BBS9: variants seen among roughly 807,000 people sequenced by gnomAD.
The protein encoded by BBS9 is protein PTHB1.
In BBS9, 89 loss-of-function variants were observed where a neutral mutation model predicts 117.7. The ratio of observed to expected loss-of-function variants is 0.76; its 90% CI spans 0.64 to 0.90. The LOEUF is 0.90. Ranked by LOEUF, BBS9 falls within the 40% of genes least tolerant of loss-of-function variation. BBS9 has a pLI of 0.00. For synonymous variants in BBS9, 379 were observed against 370.9 expected (o/e 1.02, Z -0.25); for missense variants, 982 against 1,042.2 (o/e 0.94, Z 0.80).
intron 5 of BBS9, among the ~76,000 whole-genome samples, chr7:33,231,248 C>T (rs1202821532): frequency 6.6e-6 from 1 of 152,032 alleles, no homozygotes; most frequent in Non-Finnish European, 1.5e-5. Context: ...ATGTGATCCT[C>T]CTTCCTCAGC....
chr7:33,351,960 C>G (rs1423269388), intron 14 of BBS9: 2 of 154,978 alleles, frequency 1.3e-5, no homozygotes, highest in East Asian at 3.8e-4. Flanking sequence ...AAAGGGCAGG[C>G]ACACAGGGAC....
chr7:33,596,711 T>A (rs2129188926), intron 21 of BBS9, among the ~76,000 whole-genome samples: 1 of 152,334 alleles, frequency 6.6e-6, no homozygotes, highest in East Asian at 1.9e-4. Flanking sequence ...TTTTGTCATT[T>A]ACACCTTTTG....
chr7:33,290,476 T>G (rs2024430), intron 9 of BBS9, among the ~76,000 whole-genome samples: 126,018 of 152,184 alleles, frequency 0.83, 52,229 homozygotes, highest in Admixed American at 0.86. Context: ...AGTAGGAAAT[T>G]CTTTGTTCTT....
chr7:33,219,224 C>T (rs527694636), intron 5 of BBS9, among the ~76,000 whole-genome samples: 122 of 152,324 alleles, frequency 8.0e-4, no homozygotes, highest in African/African-American at 2.6e-3. Context: ...GGGCAGGGCT[C>T]GCGACCTGCA....
intron 9 of BBS9, among the ~76,000 whole-genome samples, chr7:33,295,815 G>A (rs2128412401): frequency 6.6e-6 from 1 of 152,074 alleles, no homozygotes; most frequent in South Asian, 2.1e-4. Flanking sequence ...ATTGTAATTG[G>A]AATTTTTGGT....
intron 9 of BBS9, chr7:33,314,235 C>CTT: frequency 4.9e-6 from 2 of 409,090 alleles, no homozygotes; most frequent in Admixed American, 3.1e-5. Context: ...TTTTAATTTC[C>CTT]TTTCTTTTTT....
intron 9 of BBS9, among the ~76,000 whole-genome samples, chr7:33,286,887 G>A (rs1019792975): frequency 6.6e-6 from 1 of 152,040 alleles, no homozygotes; most frequent in Non-Finnish European, 1.5e-5. Flanking sequence ...GTTTCCCAGA[G>A]GAAAAAGTTT....
intron 9 of BBS9, among the ~76,000 whole-genome samples, chr7:33,306,755 A>T (rs1808090672): frequency 6.6e-6 from 1 of 152,086 alleles, no homozygotes; most frequent in Admixed American, 6.5e-5. Flanking sequence ...TTATTACCAC[A>T]TGTGTGTAGG....
At chr7:33,366,244 C>A (rs1352803085) in intron 16 of BBS9, among the ~76,000 whole-genome samples, 1 of 152,140 alleles carries the variant, frequency 6.6e-6, no homozygotes, top group Non-Finnish European at 1.5e-5. Flanking sequence ...TGCTGGGAAC[C>A]ATGGAAGTTC....
intron 5 of BBS9, among the ~76,000 whole-genome samples, chr7:33,246,711 T>G (rs777801936): frequency 2.6e-5 from 4 of 152,038 alleles, no homozygotes; most frequent in African/African-American, 9.7e-5. Flanking sequence ...TTCTGTATGA[T>G]GTTGTCTGTC....
At chr7:33,477,513 A>G (rs992373795) in intron 19 of BBS9, among the ~76,000 whole-genome samples, 1 of 152,066 alleles carries the variant, frequency 6.6e-6, no homozygotes, top group Non-Finnish European at 1.5e-5. Flanking sequence ...AGAGGTTATT[A>G]TTTTTTTTAA....
chr7:33,247,938 CTTATA>C (rs67299612), intron 5 of BBS9, among the ~76,000 whole-genome samples: 21,137 of 152,056 alleles, frequency 0.14, 1,779 homozygotes, highest in Non-Finnish European at 0.18. Flanking sequence ...TTGTAATTTT[CTTATA>C]TTATGTTATT....
At chr7:33,424,104 G>C (rs1833277622) in intron 19 of BBS9, among the ~76,000 whole-genome samples, 2 of 152,046 alleles carry the variant, frequency 1.3e-5, no homozygotes, top group Admixed American at 6.6e-5. Flanking sequence ...CTTGTAGCTG[G>C]AAAAACACAC....
chr7:33,226,171 C>G (rs538465085), intron 5 of BBS9, among the ~76,000 whole-genome samples: 3 of 152,290 alleles, frequency 2.0e-5, no homozygotes, highest in South Asian at 4.2e-4. Flanking sequence ...GATCCTTACT[C>G]TTTCCCCTTG....
chr7:33,172,130 C>A (rs1046388389), intron 4 of BBS9, among the ~76,000 whole-genome samples: 1 of 152,092 alleles, frequency 6.6e-6, no homozygotes, highest in African/African-American at 2.4e-5. Flanking sequence ...CCTGTAATCC[C>A]AGCACTTTGG....
intron 20 of BBS9, chr7:33,505,883 A>C (rs1474620045): frequency 5.6e-6 from 3 of 533,138 alleles, no homozygotes; most frequent in Admixed American, 6.5e-5. Context: ...TCTACTTTTT[A>C]TGTGTTCTTC....
chr7:33,226,181 G>A (rs1791237568), intron 5 of BBS9, among the ~76,000 whole-genome samples: 1 of 152,142 alleles, frequency 6.6e-6, no homozygotes, highest in South Asian at 2.1e-4. Flanking sequence ...CTTTCCCCTT[G>A]ATAATTTGTG....
At chr7:33,537,098 C>G (rs1229081893) in intron 21 of BBS9, among the ~76,000 whole-genome samples, 1 of 152,122 alleles carries the variant, frequency 6.6e-6, no homozygotes, top group African/African-American at 2.4e-5. Flanking sequence ...CCTCACTTAA[C>G]AGCTGAGGTA....
At chr7:33,497,554 A>G (rs1432662835) in intron 19 of BBS9, among the ~76,000 whole-genome samples, 2 of 152,142 alleles carry the variant, frequency 1.3e-5, no homozygotes, top group Non-Finnish European at 2.9e-5. Flanking sequence ...CAAATTTTCT[A>G]ACATTTTCAG....
Sources: gnomAD v4.1 joint callset for allele counts (sites outside exome capture counted in the v4.1 genomes callset) on GRCh38, gnomAD v4.1.1 for gene constraint, MANE v1.5 for transcripts, NCBI Gene and HGNC (gene_info 2026-07-23, HGNC 2026-07-21) for gene names.